GTF3C4: variants seen among roughly 807,000 people sequenced by gnomAD.
GTF3C4 encodes general transcription factor 3C polypeptide 4.
A neutral mutation model predicts 67.5 loss-of-function variants in GTF3C4; 28 were observed. The ratio of observed to expected loss-of-function variants is 0.41; its 90% confidence interval spans 0.31 to 0.57. The LOEUF (loss-of-function observed/expected upper bound fraction) is 0.57, where lower values mean the gene tolerates loss of function less well. GTF3C4 is among the 20% of genes least tolerant of loss of function. The pLI is 0.21. For missense variants in GTF3C4, 831 were observed against 1,033.2 expected (o/e 0.80, Z 2.68); for synonymous variants, 409 against 393.0 (o/e 1.04, Z -0.48).
intron 3 of GTF3C4, among the ~76,000 whole-genome samples, chr9:132,686,564 C>T (rs892387078): frequency 2.0e-5 from 3 of 152,158 alleles, no homozygotes; most frequent in African/African-American, 7.2e-5. Flanking sequence ...TCATTGCATC[C>T]CACCTGTCCT....
rs1350449583 is a variant in GTF3C4 at position 132,678,295 on chromosome 9, A to G, written c.676A>G (p.Asn226Asp). 1.9e-6 allele frequency: 3 copies of G among 1,614,174 alleles called. No individual in the cohort carries two copies. The East Asian group carries it at 6.7e-5, about 36-fold the overall frequency. ...LYETSYRLSK[N>D]EAPEGNLGDF... ...TGAGACCAGTTACAGGCTCTCTAAA[A>G]ATGAGGCCCCGGAAGGAAATCTCGG... Residue 226 changes from asparagine (N) to aspartate (D), a missense_variant, in exon 2 of 5, where the codon AAT becomes GAT. Coordinates refer to ENST00000372146, the MANE Select transcript of GTF3C4 (RefSeq NM_012204.4). The surrounding 1 kb of genome is among the most constrained non-coding windows in gnomAD (Gnocchi z 6.5).
intron 4 of GTF3C4, 148 bp from the exon 5 acceptor site, chr9:132,688,733 G>A: frequency 1.6e-6 from 1 of 617,712 alleles, no homozygotes; most frequent in Non-Finnish European, 3.0e-6. Context: ...GCCCAAAGAA[G>A]TGAAGTGCTT....
chr9:132,672,494 G>A (rs1413931336), intron 1 of GTF3C4, among the ~76,000 whole-genome samples: 1 of 149,548 alleles, frequency 6.7e-6, no homozygotes, highest in Non-Finnish European at 1.5e-5. Context: ...ACACGTTTAA[G>A]TCATGAACAT....
intron 1 of GTF3C4, among the ~76,000 whole-genome samples, chr9:132,673,188 A>C (rs1420261741): frequency 6.6e-6 from 1 of 152,196 alleles, no homozygotes; most frequent in Non-Finnish European, 1.5e-5. Context: ...GTCTCAAAAA[A>C]AAAGAAAGAA....
At chr9:132,682,595 CT>C (rs34962674) in intron 2 of GTF3C4, among the ~76,000 whole-genome samples, 1,582 of 92,484 alleles carry the variant, frequency 0.017, 14 homozygotes, top group Non-Finnish European at 0.025. Flanking sequence ...ACAGTATAAT[CT>C]TTTTTTTTTT....
At position 132,670,479 on chromosome 9, in the gene GTF3C4, C is replaced by T. The variant is rs2130887472; in HGVS notation, c.-120C>T. On this transcript the variant is annotated 5_prime_UTR_variant, in exon 1 of 5. Coordinates refer to ENST00000372146, the MANE Select transcript of GTF3C4 (RefSeq NM_012204.4). ...CGGGGTCCTTCTTGGCTCGGCGGCG[C>T]TCGGGGCCTGAGGGGAGAAAACCGC... 3 of 1,012,886 alleles carry T rather than the reference C, an allele frequency of 3.0e-6. No homozygotes were observed. The highest frequency in any genetic ancestry group is 4.0e-6 in the Non-Finnish European group (3 of 747,498). The allele number at this position is 1,012,886 out of a possible 1,614,324, so 62.7% of individuals were successfully genotyped here. A position where few individuals can be genotyped will look rare whatever the true frequency, so the allele number is the denominator to read the frequency against.
In GTF3C4 at chr9:132,679,905, C is replaced by T. The variant is rs1471006500; in HGVS notation, c.2184+102C>T. ...TCCTGAAGCTCAACTTTTGCTTTGA[C>T]ATTTTTTAGGTAATTTATTTGCTTG... On this transcript the variant is annotated intron_variant, in intron 2 of 4. Coordinates refer to ENST00000372146, the MANE Select transcript of GTF3C4 (RefSeq NM_012204.4). The surrounding 1 kb of genome is among the most constrained non-coding windows in gnomAD (Gnocchi z 5.9). 4.6e-6 allele frequency: 5 copies of T among 1,097,694 alleles called. No homozygotes were observed. In the African/African-American group the frequency reaches 7.8e-5, roughly 17 times the overall value. The allele number at this position is 1,097,694 out of a possible 1,614,324, so 68.0% of individuals were successfully genotyped here. A position where few individuals can be genotyped will look rare whatever the true frequency, so the allele number is the denominator to read the frequency against.
At chr9:132,675,254 C>A (rs1835847416) in intron 1 of GTF3C4, among the ~76,000 whole-genome samples, 1 of 152,182 alleles carries the variant, frequency 6.6e-6, no homozygotes, top group Non-Finnish European at 1.5e-5. Flanking sequence ...CCCAGGTAGT[C>A]TGGCGTCATA....
upstream of GTF3C4, chr9:132,670,127 C>T (rs769750666): frequency 6.3e-7 from 1 of 1,582,402 alleles, no homozygotes; most frequent in Non-Finnish European, 8.6e-7. Context: ...GACTACCGCG[C>T]GTGCCCCCGC....
At position 132,679,079 on chromosome 9, in the gene GTF3C4, C is replaced by T. The variant is rs917849815; in HGVS notation, c.1460C>T (p.Ala487Val). 1 of 1,614,178 alleles carries T rather than the reference C, an allele frequency of 6.2e-7. No homozygotes were observed. The highest frequency in any genetic ancestry group is 1.1e-5 in the South Asian group (1 of 91,084). ...GGGATAGCAGTGAGCCCCTGCGGTG[C>T]ATACCTGGCCATCATCACCACTGAG... ...THGIAVSPCG[A>V]YLAIITTEGM... The change falls in exon 2 of 5, where the codon GCA becomes GTA. Residue 487 changes from alanine (A) to valine (V), a missense_variant. Coordinates refer to ENST00000372146, the MANE Select transcript of GTF3C4 (RefSeq NM_012204.4). The surrounding 1 kb of genome is among the most constrained non-coding windows in gnomAD (Gnocchi z 5.9).
At chr9:132,672,913 G>C (rs772444353) in intron 1 of GTF3C4, among the ~76,000 whole-genome samples, 1 of 152,216 alleles carries the variant, frequency 6.6e-6, no homozygotes, top group Non-Finnish European at 1.5e-5. Flanking sequence ...GGCCGGGCGC[G>C]GTGGCTCACG....
chr9:132,670,496 G>A lies in GTF3C4; in HGVS notation c.-103G>A. 9.2e-7 allele frequency: 1 copy of A among 1,091,582 alleles called. No homozygotes were observed. The highest frequency in any genetic ancestry group is 1.2e-6 in the Non-Finnish European group (1 of 816,562). 67.6% of individuals were successfully genotyped at this position (1,091,582 alleles called of 1,614,324 possible). On this transcript the variant is annotated 5_prime_UTR_variant, in exon 1 of 5. Coordinates refer to ENST00000372146, the MANE Select transcript of GTF3C4 (RefSeq NM_012204.4). The stretch of plus-strand genomic sequence containing the variant: ...CGGCGGCGCTCGGGGCCTGAGGGGA[G>A]AAAACCGCCGCGGAGGGCGCTGGGG...
chr9:132,670,357 C>T, upstream of GTF3C4: 1 of 1,372,508 alleles, frequency 7.3e-7, no homozygotes, highest in Non-Finnish European at 9.5e-7. Context: ...AATCCCTGGG[C>T]AGGGAAAAGG....
chr9:132,682,810 G>A, intron 2 of GTF3C4, among the ~76,000 whole-genome samples: 1 of 151,928 alleles, frequency 6.6e-6, no homozygotes. Flanking sequence ...TCACCATGTT[G>A]GCCACCTGGT....
At chr9:132,677,888 A>G in intron 1 of GTF3C4, 89 bp from the exon 2 acceptor site, 1 of 1,004,622 alleles carries the variant, frequency 1.0e-6, no homozygotes, top group Non-Finnish European at 1.5e-6. Flanking sequence ...GAACCAGGCT[A>G]TGAATAATGA....
intron 1 of GTF3C4, among the ~76,000 whole-genome samples, chr9:132,671,236 G>T (rs944154574): frequency 9.2e-5 from 14 of 152,146 alleles, no homozygotes; most frequent in Admixed American, 1.3e-4. Context: ...CCCCTCCTTC[G>T]CCCCTCCGTC....
rs200685526 is a variant in GTF3C4 at position 132,677,393 on chromosome 9, CTCTG to C, written c.358-580_358-577del. Among the ~76,000 whole-genome samples the C allele has an allele frequency of 2.0e-4, 30 of 152,218 alleles. No individual in the cohort carries two copies. In the East Asian group the frequency reaches 5.6e-3, roughly 28 times the overall value. ...CTCCAGCCCGGGCGACAGAATGAGA[CTCTG>C]TCTTACTGTCCCATACATGTTACGA... On this transcript the variant is annotated intron_variant, in intron 1 of 4. Transcript: ENST00000372146.
chr9:132,688,657 T>G (rs1166014769), intron 4 of GTF3C4, among the ~76,000 whole-genome samples: 1 of 152,250 alleles, frequency 6.6e-6, no homozygotes, highest in Non-Finnish European at 1.5e-5. Context: ...ATTTTCCTGT[T>G]TCATTACATT....
intron 2 of GTF3C4, among the ~76,000 whole-genome samples, chr9:132,680,588 A>G (rs1246358654): frequency 6.6e-6 from 1 of 152,236 alleles, no homozygotes; most frequent in East Asian, 1.9e-4. Context: ...TTTTACTTCA[A>G]AGACTGATAC....
Sources: allele counts gnomAD v4.1 joint callset (sites outside exome capture counted in the v4.1 genomes callset), GRCh38; gene constraint gnomAD v4.1.1; non-coding constraint Gnocchi (gnomAD v3.1); transcripts MANE v1.5; gene names NCBI Gene and HGNC (gene_info 2026-07-23, HGNC 2026-07-21).